The following APBA1 variants were observed in gnomAD, a reference collection of about 807,000 sequenced individuals.
The protein encoded by APBA1 is amyloid beta precursor protein binding family A member 1.
APBA1 carries 55 observed loss-of-function variants against 86.6 expected under a neutral mutation model. That is an observed-to-expected ratio of 0.64 (90% CI 0.51 to 0.80). The LOEUF (loss-of-function observed/expected upper bound fraction) is 0.80, where lower values mean the gene tolerates loss of function less well. APBA1 is among the 30% of genes least tolerant of loss of function. The pLI, the probability that APBA1 is intolerant of heterozygous loss-of-function variation, is 0.00. For missense variants in APBA1, 1,090 were observed against 1,183.0 expected, an observed-to-expected ratio of 0.92 and a Z score of 1.15; for synonymous variants, 511 against 493.9, an observed-to-expected ratio of 1.03 and a Z score of -0.46.
chr9:69,431,413 CA>C lies in APBA1; in HGVS notation c.2443-16del. ...TTCATATGAATCTGAGGGTAAAGAA[CA>C]CACTTTAGTGGGGGGCTGAGGCTGG... On this transcript the variant is annotated splice_polypyrimidine_tract_variant and intron_variant, in intron 12 of 12. Coordinates refer to ENST00000265381, the MANE Select transcript of APBA1 (RefSeq NM_001163.4). 6.2e-7 allele frequency: 1 copy of C among 1,611,168 alleles called. No individual in the cohort carries two copies. Among genetic ancestry groups the C allele is most frequent in the Non-Finnish European group, 8.5e-7 (1 of 1,178,548 alleles).
intron 2 of APBA1, among the ~76,000 whole-genome samples, chr9:69,501,715 C>G (rs990218389): frequency 1.3e-5 from 2 of 151,422 alleles, no homozygotes; most frequent in Non-Finnish European, 2.9e-5. Context: ...GTAGCCCTAG[C>G]TAGTAGGTAG....
At chr9:69,601,746 A>G (rs1822353378) in intron 1 of APBA1, among the ~76,000 whole-genome samples, 1 of 152,222 alleles carries the variant, frequency 6.6e-6, no homozygotes, top group African/African-American at 2.4e-5. Context: ...AAAGCATCAC[A>G]TTGCAGTCTC....
intron 5 of APBA1, chr9:69,462,653 G>A (rs1369854531): frequency 6.6e-6 from 1 of 152,202 alleles, no homozygotes; most frequent in African/African-American, 2.4e-5. Flanking sequence ...GTCCGAAAAG[G>A]AGGTCTATTT....
At chr9:69,608,014 C>T (rs1315702534) in intron 1 of APBA1, among the ~76,000 whole-genome samples, 4 of 152,066 alleles carry the variant, frequency 2.6e-5, no homozygotes, top group East Asian at 3.8e-4. Context: ...AAAATATTAG[C>T]GCTAACAAGG....
intron 2 of APBA1, among the ~76,000 whole-genome samples, chr9:69,483,288 A>G (rs1231667521): frequency 6.6e-6 from 1 of 152,096 alleles, no homozygotes; most frequent in Non-Finnish European, 1.5e-5. Flanking sequence ...GTATTCTCTC[A>G]GGAAGTGTGG....
At chr9:69,538,976 A>G (rs184849814) in intron 1 of APBA1, among the ~76,000 whole-genome samples, 12 of 152,336 alleles carry the variant, frequency 7.9e-5, no homozygotes, top group Admixed American at 3.3e-4. Context: ...AGCATTTGAT[A>G]CAGCCTATCA....
intron 1 of APBA1, among the ~76,000 whole-genome samples, chr9:69,544,931 G>A (rs199649712): frequency 6.6e-6 from 1 of 152,184 alleles, no homozygotes; most frequent in East Asian, 1.9e-4. Flanking sequence ...CTTCAATGAA[G>A]CTAGAAGACA....
chr9:69,599,201 T>G (rs868483748), intron 1 of APBA1, among the ~76,000 whole-genome samples: 10 of 152,352 alleles, frequency 6.6e-5, no homozygotes, highest in Admixed American at 6.5e-4. Context: ...AAATGGTAAA[T>G]TTTATATTAC....
intron 2 of APBA1, among the ~76,000 whole-genome samples, chr9:69,505,922 G>C (rs1347660764): frequency 6.6e-6 from 1 of 151,900 alleles, no homozygotes; most frequent in Non-Finnish European, 1.5e-5. Context: ...GGGAGGCTGA[G>C]ACAGGAGAAT....
chr9:69,610,771 T>G (rs929754779), intron 1 of APBA1, among the ~76,000 whole-genome samples: 3 of 152,180 alleles, frequency 2.0e-5, no homozygotes, highest in Non-Finnish European at 2.9e-5. Context: ...AGAAACAGAA[T>G]GAGATTCTCA....
intron 1 of APBA1, among the ~76,000 whole-genome samples, chr9:69,631,184 A>G (rs943426073): frequency 1.3e-5 from 2 of 152,232 alleles, no homozygotes; most frequent in East Asian, 3.8e-4. Flanking sequence ...TCCAGAATCT[A>G]CAAAGAACTT....
chr9:69,562,244 C>G (rs1033235741), intron 1 of APBA1, among the ~76,000 whole-genome samples: 1 of 152,000 alleles, frequency 6.6e-6, no homozygotes, highest in Non-Finnish European at 1.5e-5. Flanking sequence ...ACAACAATAA[C>G]AAAAGATACA....
chr9:69,554,698 A>C (rs1836835656), intron 1 of APBA1, among the ~76,000 whole-genome samples: 1 of 152,184 alleles, frequency 6.6e-6, no homozygotes, highest in South Asian at 2.1e-4. Context: ...TTCTACCTTA[A>C]AAATAAGATT....
intron 4 of APBA1, among the ~76,000 whole-genome samples, chr9:69,469,085 TC>T (rs1483169931): frequency 6.6e-6 from 1 of 152,146 alleles, no homozygotes; most frequent in African/African-American, 2.4e-5. Context: ...GGTCTTGGAC[TC>T]CTGGGCTCAA....
At chr9:69,498,034 C>T (rs1835826798) in intron 2 of APBA1, among the ~76,000 whole-genome samples, 1 of 152,086 alleles carries the variant, frequency 6.6e-6, no homozygotes, top group Admixed American at 6.5e-5. Flanking sequence ...TCATCTCCAC[C>T]TCCTGGTATT....
chr9:69,516,593 C>T lies in APBA1; in HGVS notation c.618G>A (p.Glu206=), dbSNP rs1836156393. The T allele has an allele frequency of 1.2e-6, 2 of 1,603,722 alleles. No homozygotes were observed. Among genetic ancestry groups the T allele is most frequent in the African/African-American group, 2.7e-5 (2 of 74,994 alleles). Residue 206 remains glutamate (E), a synonymous_variant, in exon 2 of 13, where the codon GAG becomes GAA. Transcript: ENST00000265381. This position sits in a 1 kb window ranked among gnomAD's most constrained non-coding sequence, Gnocchi z 7.3. ...HVYEEIGDAP[E]LDARDGLRLY... is the part of the protein sequence containing the mutation. ...GCCGCAGGCCGTCGCGTGCGTCCAG[C>T]TCGGGCGCGTCCCCTATCTCCTCGT... is the stretch of plus-strand genomic sequence containing the variant.
intron 10 of APBA1, among the ~76,000 whole-genome samples, chr9:69,446,969 T>C (rs1834919977): frequency 6.6e-6 from 1 of 152,208 alleles, no homozygotes; most frequent in Non-Finnish European, 1.5e-5. Context: ...AGGTGGCTTA[T>C]AAACAACAGG....
chr9:69,655,688 A>G (rs1251431534), intron 1 of APBA1, among the ~76,000 whole-genome samples: 1 of 152,156 alleles, frequency 6.6e-6, no homozygotes, highest in African/African-American at 2.4e-5. Flanking sequence ...AGAAACACCC[A>G]TGGCATTCTT....
intron 11 of APBA1, among the ~76,000 whole-genome samples, chr9:69,435,202 C>T (rs1414091290): frequency 1.3e-5 from 2 of 151,956 alleles, no homozygotes; most frequent in African/African-American, 4.8e-5. Context: ...CATTGTTGGA[C>T]ATTTGGGTTG....
Sources: allele counts gnomAD v4.1 joint callset (sites outside exome capture counted in the v4.1 genomes callset), GRCh38; gene constraint gnomAD v4.1.1; non-coding constraint Gnocchi (gnomAD v3.1); transcripts MANE v1.5; gene names NCBI Gene and HGNC (gene_info 2026-07-23, HGNC 2026-07-21).